VN1R4: variants seen among roughly 807,000 people sequenced by gnomAD.
The protein encoded by VN1R4 is vomeronasal 1 receptor 4.
For synonymous variants in VN1R4, 97 were observed against 138.8 expected (o/e 0.70, Z 2.12); for missense variants, 291 against 364.2 (o/e 0.80, Z 1.64).
rs767756842 is a variant in VN1R4 at position 53,267,325 on chromosome 19, G to C, written c.341C>G (p.Ser114Cys). 4 of 1,614,122 alleles carry C rather than the reference G, an allele frequency of 2.5e-6. No homozygotes were observed. The East Asian group carries it at 6.7e-5, about 27-fold the overall frequency. Reference sequence around the variant, plus strand: ...TTTCTCTTTAAGTTTTGCCCACCTGGATTTCCTGGAGCTGACCGTGATCAC... The same window carrying C: ...TTTCTCTTTAAGTTTTGCCCACCTGCATTTCCTGGAGCTGACCGTGATCAC... Residue 114 changes from serine to cysteine, a missense_variant, in exon 1 of 1, where the codon TCC becomes TGC. Transcript: ENST00000311170.
exon 1 of VN1R4, chr19:53,267,195 G>A: frequency 6.2e-7 from 1 of 1,611,242 alleles, no homozygotes; most frequent in Non-Finnish European, 8.5e-7. Context: ...TCACTGTGAT[G>A]TTTGTGTAGT....
Position 53,267,393 on chromosome 19 carries a change from C to T in VN1R4, c.273G>A (p.Arg91=), listed in dbSNP as rs1172807895. Residue 91 remains arginine, a synonymous_variant, in exon 1 of 1, where the codon AGG becomes AGA. Transcript: ENST00000311170. ...GGCAGGTGGTGCCAATGGACACTCC[C>T]CTGCCCACTCTATGGAGATAGAAAA... 18 of 1,614,004 alleles carry T rather than the reference C, an allele frequency of 1.1e-5. No homozygotes were observed. In the East Asian group the frequency reaches 3.6e-4, roughly 32 times the overall value.
exon 1 of VN1R4, chr19:53,266,989 G>A: frequency 6.2e-7 from 1 of 1,603,262 alleles, no homozygotes; most frequent in Non-Finnish European, 8.5e-7. Flanking sequence ...GTTCTCTGGG[G>A]AGGCTCTGGG....
exon 1 of VN1R4, chr19:53,267,551 A>C (rs778514282): frequency 6.2e-7 from 1 of 1,614,024 alleles, no homozygotes; most frequent in Non-Finnish European, 8.5e-7. Flanking sequence ...GTGGACCTTA[A>C]CCTGCACCCA....
chr19:53,267,572 A>C, exon 1 of VN1R4: 1 of 1,606,050 alleles, frequency 6.2e-7, no homozygotes, highest in Non-Finnish European at 8.5e-7. Flanking sequence ...GTGCAGTAAA[A>C]GGAGAGATAA....
exon 1 of VN1R4, chr19:53,267,396 G>A (rs371744200): frequency 6.2e-7 from 1 of 1,613,850 alleles, no homozygotes; most frequent in African/African-American, 1.3e-5. Flanking sequence ...ACACTCCCCT[G>A]CCCACTCTAT....
exon 1 of VN1R4, chr19:53,267,433 A>C (rs753112793): frequency 1.2e-6 from 2 of 1,614,202 alleles, no homozygotes; most frequent in Non-Finnish European, 8.5e-7. Flanking sequence ...TTTGCACCCA[A>C]GAGCATTGAG....
exon 1 of VN1R4, chr19:53,266,733 TG>T: frequency 6.4e-7 from 1 of 1,560,592 alleles, no homozygotes; most frequent in Non-Finnish European, 8.6e-7. Flanking sequence ...ACAATGTACA[TG>T]TTTATGATGA....
At chr19:53,267,358 A>G (rs780718033) in exon 1 of VN1R4, 1 of 1,613,952 alleles carries the variant, frequency 6.2e-7, no homozygotes, top group Admixed American at 1.7e-5. Flanking sequence ...CACCTGGAAG[A>G]CACTCAAGAG....
the VN1R4 span, chr19:53,267,319 C>T: frequency 6.2e-7 from 1 of 1,614,142 alleles, no homozygotes. Flanking sequence ...AAGTTTTGCC[C>T]ACCTGGATTT....
exon 1 of VN1R4, chr19:53,267,632 A>G (rs1599935065): frequency 6.2e-7 from 1 of 1,608,606 alleles, no homozygotes; most frequent in South Asian, 1.1e-5. Flanking sequence ...GTCTGTGATA[A>G]GATCATTCCC....
At chr19:53,266,776 A>G (rs1330040651) in exon 1 of VN1R4, 3 of 1,604,314 alleles carry the variant, frequency 1.9e-6, no homozygotes, top group Admixed American at 1.7e-5. Context: ...TTTCCAGGCA[A>G]AACAAAACCT....
chr19:53,266,913 A>G (rs1363416144), exon 1 of VN1R4: 1 of 1,614,102 alleles, frequency 6.2e-7, no homozygotes, highest in Middle Eastern at 1.7e-4. Context: ...AAACTTGGAA[A>G]AGGCAGGAGA....
Position 53,267,585 on chromosome 19 carries a change from G to A in VN1R4, c.81C>T (p.Leu27=), listed in dbSNP as rs201450916. ...CAGTGCAGTAAAAGGAGAGATAATG[G>A]AGAAGAACAGAGAAGCTCCCCAGGA... is the stretch of plus-strand genomic sequence containing the variant. Residue 27 remains leucine (L), a synonymous_variant, in exon 1 of 1, where the codon CTC becomes CTT. Coordinates refer to ENST00000311170, the Ensembl canonical transcript of VN1R4. 8.7e-4 allele frequency: 1,398 copies of A among 1,612,760 alleles called. 26 individuals are homozygous for A. In the East Asian group the frequency reaches 0.028, roughly 32 times the overall value.
At chr19:53,266,946 G>A in exon 1 of VN1R4, 1 of 1,613,192 alleles carries the variant, frequency 6.2e-7, no homozygotes, top group Non-Finnish European at 8.5e-7. Context: ...ACACAAAGGT[G>A]CTCACCAGGA....
exon 1 of VN1R4, chr19:53,267,656 G>A (rs548659958): frequency 2.9e-5 from 46 of 1,587,730 alleles, no homozygotes; most frequent in South Asian, 1.3e-4. Context: ...GCCACATACC[G>A]GGAGGCCATT....
Position 53,267,494 on chromosome 19 carries a change from G to A in VN1R4, c.172C>T (p.Arg58Cys), listed in dbSNP as rs145154362. The change falls in exon 1 of 1, where the codon CGC becomes TGC. Residue 58 changes from arginine (R) to cysteine (C), a missense_variant. Arg to Cys is a radical substitution (Grantham distance 180). Coordinates refer to ENST00000311170, the Ensembl canonical transcript of VN1R4. ...ATTGTCTGGGGGACTCCTTTACAGC[G>A]GAGAGCTAAGAAGTTGGCTACAATC... The A allele has an allele frequency of 2.4e-4, 384 of 1,612,940 alleles. 1 individual carries two copies. Among genetic ancestry groups the A allele is most frequent in the African/African-American group, 1.0e-3 (75 of 74,098 alleles).
At position 53,267,020 on chromosome 19, in the gene VN1R4, T is replaced by C. The variant is rs1396501028; in HGVS notation, c.646A>G (p.Ile216Val). ...CTGGGGGAGAGATTGCTCCTATCAA[T>C]GTGCTGGACCCGCTGCTTGTGCCTG... Residue 216 changes from isoleucine (I) to valine (V), a missense_variant, in exon 1 of 1, where the codon ATT becomes GTT. By Grantham distance (29) the Ile-to-Val change is conservative. Transcript: ENST00000311170. 6.2e-7 allele frequency: 1 copy of C among 1,611,650 alleles called. No homozygotes were observed. The highest frequency in any genetic ancestry group is 1.7e-5 in the Admixed American group (1 of 59,806).
chr19:53,267,713 T>C, exon 1 of VN1R4: 2 of 1,488,924 alleles, frequency 1.3e-6, no homozygotes, highest in Middle Eastern at 1.8e-4. Flanking sequence ...GGCTGGGAGG[T>C]CCTGCATGGA....
Sources: allele counts gnomAD v4.1 joint callset, GRCh38; gene constraint gnomAD v4.1.1; transcripts MANE v1.5; gene names NCBI Gene and HGNC (gene_info 2026-07-23, HGNC 2026-07-21).